Variants in MTCH2 observed in about 807,000 individuals in gnomAD.
MTCH2 encodes mitochondrial carrier 2, also known as mitochondrial carrier homolog 2.
MTCH2 carries 25 observed loss-of-function variants against 50.6 expected under a neutral mutation model. That is an observed-to-expected ratio of 0.49 (90% CI 0.36 to 0.69). The LOEUF (loss-of-function observed/expected upper bound fraction) is 0.69, where lower values mean the gene tolerates loss of function less well. Ranked by LOEUF, MTCH2 falls within the 30% of genes least tolerant of loss-of-function variation. The pLI is 0.00. For synonymous variants in MTCH2, 106 were observed against 132.0 expected, an observed-to-expected ratio of 0.80 and a Z score of 1.35; for missense variants, 273 against 384.4, an observed-to-expected ratio of 0.71 and a Z score of 2.42.
the MTCH2 span, among the ~76,000 whole-genome samples, chr11:47,608,844 G>A: frequency 1.3e-5 from 2 of 151,364 alleles, no homozygotes; most frequent in East Asian, 1.9e-4. Flanking sequence ...TGTAGTCCCA[G>A]CTACTTGGGA....
downstream of MTCH2, among the ~76,000 whole-genome samples, chr11:47,615,725 C>T (rs748858438): frequency 1.4e-4 from 21 of 151,476 alleles, no homozygotes; most frequent in Non-Finnish European, 2.7e-4. Flanking sequence ...CTCCACCTTC[C>T]GATTTCAAGC....
downstream of MTCH2, among the ~76,000 whole-genome samples, chr11:47,616,984 G>A (rs1405055955): frequency 1.2e-4 from 18 of 152,090 alleles, no homozygotes; most frequent in Admixed American, 9.2e-4. Context: ...GCGCCCGGTC[G>A]CATGTGTTTC....
intron 6 of MTCH2, 108 bp downstream of exon 6, chr11:47,631,546 C>T (rs2097303040): frequency 9.3e-7 from 1 of 1,079,444 alleles, no homozygotes; most frequent in African/African-American, 1.6e-5. Flanking sequence ...AGCAAGCAAA[C>T]AAAAACATGC....
chr11:47,612,615 T>A (rs1009219200), downstream of MTCH2, among the ~76,000 whole-genome samples: 5 of 151,496 alleles, frequency 3.3e-5, no homozygotes, highest in African/African-American at 1.2e-4. Context: ...CCCAGCTACT[T>A]GGGAGGCTGA....
At chr11:47,642,133 G>C (rs960364754) in intron 1 of MTCH2, among the ~76,000 whole-genome samples, 1 of 152,158 alleles carries the variant, frequency 6.6e-6, no homozygotes, top group African/African-American at 2.4e-5. Flanking sequence ...GGGCAGGGCC[G>C]GGTGGCGGTT....
At chr11:47,605,994 G>A in the MTCH2 span, among the ~76,000 whole-genome samples, 3 of 152,184 alleles carry the variant, frequency 2.0e-5, no homozygotes, top group Non-Finnish European at 4.4e-5. Context: ...AATGTGCCCA[G>A]GATCTCCCTT....
At chr11:47,633,833 A>G (rs6485764) in intron 5 of MTCH2, among the ~76,000 whole-genome samples, 149,764 of 151,888 alleles carry the variant, frequency 0.99, 73,866 homozygotes, top group Middle Eastern at 1. Flanking sequence ...CACTGCGCCC[A>G]GCCTTTGGAA....
At chr11:47,614,947 A>G (rs2097287467), downstream of MTCH2, among the ~76,000 whole-genome samples, 1 of 149,312 alleles carries the variant, frequency 6.7e-6, no homozygotes, top group Admixed American at 6.7e-5. Flanking sequence ...AAAATCTGTT[A>G]ACTGGTTGTG....
chr11:47,641,932 T>C (rs1323548177), intron 1 of MTCH2, among the ~76,000 whole-genome samples: 1 of 151,894 alleles, frequency 6.6e-6, no homozygotes, highest in Non-Finnish European at 1.5e-5. Flanking sequence ...AAAAATAAAA[T>C]GTTGGTTCCC....
At position 47,642,445 on chromosome 11, in the gene MTCH2, C is replaced by G. The variant is rs776696384; in HGVS notation, c.21G>C (p.Gln7His). 6.3e-7 allele frequency: 1 copy of G among 1,598,140 alleles called. No individual in the cohort carries two copies. The highest frequency in any genetic ancestry group is 1.3e-5 in the African/African-American group (1 of 74,252). Residue 7 changes from glutamine to histidine, a missense_variant, in exon 1 of 13, where the codon CAG (glutamine) becomes CAC (histidine). By Grantham distance (24) the Gln-to-His change is conservative (BLOSUM62 0). Coordinates refer to ENST00000302503, the MANE Select transcript of MTCH2 (RefSeq NM_014342.4). MADAAS[Q>H]VLLGSGLTIL... ...TGGTGAGACCGGAGCCCAGGAGCAC[C>G]TGACTGGCCGCGTCCGCCATGATGG... is the stretch of plus-strand genomic sequence containing the variant.
intron 3 of MTCH2, among the ~76,000 whole-genome samples, chr11:47,636,976 T>TA (rs2097309281): frequency 6.7e-6 from 1 of 150,090 alleles, no homozygotes; most frequent in Non-Finnish European, 1.5e-5. Context: ...TTTTTTTTTT[T>TA]AGATGGAGTT....
At chr11:47,615,635 CTT>C (rs1303933723), downstream of MTCH2, among the ~76,000 whole-genome samples, 11 of 139,808 alleles carry the variant, frequency 7.9e-5, no homozygotes, top group African/African-American at 7.8e-5. Context: ...CCTAAGGTTG[CTT>C]TTTTTTTTTT....
intron 10 of MTCH2, among the ~76,000 whole-genome samples, chr11:47,626,774 G>A (rs1443064266): frequency 2.0e-5 from 3 of 151,904 alleles, no homozygotes; most frequent in African/African-American, 4.8e-5. Context: ...CACCACGCTC[G>A]GCTAATGTTA....
chr11:47,618,940 A>C, intron 12 of MTCH2, 21 bp from the exon 13 acceptor site: 1 of 1,492,002 alleles, frequency 6.7e-7, no homozygotes, highest in Admixed American at 1.9e-5. Flanking sequence ...AAACAAAACA[A>C]AACACAAATA....
Position 47,618,462 on chromosome 11 carries a change from T to G in MTCH2, c.*371A>C. 1 of 252,868 alleles carries G rather than the reference T, an allele frequency of 4.0e-6. No individual in the cohort carries two copies. Among genetic ancestry groups the G allele is most frequent in the Non-Finnish European group, 7.6e-6 (1 of 131,370 alleles). 15.7% of individuals were successfully genotyped at this position (252,868 alleles called of 1,614,324 possible). A position where few individuals can be genotyped will look rare whatever the true frequency, so the allele number is the denominator to read the frequency against. Reference sequence around the variant, plus strand: ...GTTTAATTTAGTGATTTTGTTAAGTTTTACAAAATTATTTCTCATTTTTCT... The same window carrying G: ...GTTTAATTTAGTGATTTTGTTAAGTGTTACAAAATTATTTCTCATTTTTCT... On this transcript the variant is annotated 3_prime_UTR_variant, in exon 13 of 13. Coordinates refer to ENST00000302503, the MANE Select transcript of MTCH2 (RefSeq NM_014342.4).
At chr11:47,636,901 A>G (rs1309931922) in intron 3 of MTCH2, among the ~76,000 whole-genome samples, 1 of 152,084 alleles carries the variant, frequency 6.6e-6, no homozygotes, top group African/African-American at 2.4e-5. Context: ...AAATAATAAT[A>G]AATTTAAAGA....
At chr11:47,611,042 G>A in the MTCH2 span, among the ~76,000 whole-genome samples, 1 of 152,182 alleles carries the variant, frequency 6.6e-6, no homozygotes, top group African/African-American at 2.4e-5. Context: ...CAGGGCACCA[G>A]GCCTCACTGT....
chr11:47,636,778 G>A (rs938584367), intron 3 of MTCH2, among the ~76,000 whole-genome samples: 1 of 150,138 alleles, frequency 6.7e-6, no homozygotes, highest in Non-Finnish European at 1.5e-5. Context: ...GGGAACATGC[G>A]CAGTGACTCA....
At chr11:47,608,602 C>A in the MTCH2 span, among the ~76,000 whole-genome samples, 2 of 152,132 alleles carry the variant, frequency 1.3e-5, no homozygotes, top group Admixed American at 6.6e-5. Context: ...ATGTACAGAG[C>A]AGAGGCTGTT....
Sources: allele counts gnomAD v4.1 joint callset (sites outside exome capture counted in the v4.1 genomes callset), GRCh38; gene constraint gnomAD v4.1.1; transcripts MANE v1.5; gene names NCBI Gene and HGNC (gene_info 2026-07-23, HGNC 2026-07-21).